LIPC: variants seen among roughly 807,000 people sequenced by gnomAD.
LIPC encodes the protein hepatic triacylglycerol lipase.
A neutral mutation model predicts 50.7 loss-of-function variants in LIPC; 44 were observed. That is an observed-to-expected ratio of 0.87 (90% confidence interval 0.68 to 1.11). The LOEUF (loss-of-function observed/expected upper bound fraction) is 1.11. LIPC is among the 50% of genes most tolerant of loss of function. The pLI, the probability that LIPC is intolerant of heterozygous loss-of-function variation, is 0.00. For synonymous variants in LIPC, 271 were observed against 256.4 expected, an observed-to-expected ratio of 1.06 and a Z score of -0.54; for missense variants, 697 against 648.2, an observed-to-expected ratio of 1.08 and a Z score of -0.82.
intron 1 of LIPC, among the ~76,000 whole-genome samples, chr15:58,459,433 A>ATTTTTTTTTTTT: frequency 6.7e-6 from 1 of 149,446 alleles, no homozygotes. Flanking sequence ...TAGAGAGCTC[A>ATTTTTTTTTTTT]CAATAAATAA....
chr15:58,458,699 T>C (rs747633361), intron 1 of LIPC, among the ~76,000 whole-genome samples: 4 of 152,160 alleles, frequency 2.6e-5, no homozygotes, highest in Non-Finnish European at 5.9e-5. Flanking sequence ...ACTCCCTGTT[T>C]CTCAGCCCTT....
chr15:58,462,824 G>C (rs1373381229), intron 1 of LIPC, among the ~76,000 whole-genome samples: 9 of 152,138 alleles, frequency 5.9e-5, no homozygotes, highest in African/African-American at 1.9e-4. Flanking sequence ...TCGGCAGAGG[G>C]GGCAGGCCTG....
rs1419678483 is a variant in LIPC, at chr15:58,458,340, C to CCAG, written c.88+26225_88+26227dup. Among the ~76,000 whole-genome samples, 5 of 152,300 alleles carry CCAG rather than the reference C, an allele frequency of 3.3e-5. No homozygotes were observed. In the East Asian group the frequency reaches 7.7e-4, roughly 23 times the overall value. On this transcript the variant is annotated intron_variant, in intron 1 of 8. Coordinates refer to ENST00000299022, the MANE Select transcript of LIPC (RefSeq NM_000236.3). ...AAGGTCGGCTTATGCTATTGTTAGA[C>CCAG]CAGCAGCTGAGCCTCCCCCACCACG... is the stretch of plus-strand genomic sequence containing the variant.
chr15:58,457,731 A>G lies in LIPC; in HGVS notation c.88+25611A>G, dbSNP rs1307598987. Among the ~76,000 whole-genome samples, 3 of 152,264 alleles carry G rather than the reference A, an allele frequency of 2.0e-5. No individual in the cohort carries two copies. In the East Asian group the frequency reaches 5.8e-4, roughly 29 times the overall value. On this transcript the variant is annotated intron_variant, in intron 1 of 8. Transcript: ENST00000299022. ...ATCCCATTTGGTAATCGAAAGAGCA[A>G]GTAGCACTGGCTTGGTCATTTCCTT...
intron 1 of LIPC, among the ~76,000 whole-genome samples, chr15:58,445,787 A>T (rs1893674151): frequency 6.6e-6 from 1 of 152,026 alleles, no homozygotes. Flanking sequence ...TATTATAGAG[A>T]CCCCACTGGG....
intron 1 of LIPC, among the ~76,000 whole-genome samples, chr15:58,523,637 G>A (rs1892718367): frequency 6.6e-6 from 1 of 151,968 alleles, no homozygotes; most frequent in South Asian, 2.1e-4. Flanking sequence ...TTATTTTTCA[G>A]GCCAGGCACA....
rs1893344240 is a variant in LIPC at position 58,541,926 on chromosome 15, C to T, written c.415C>T (p.Leu139Phe). 5.0e-6 allele frequency: 8 copies of T among 1,611,854 alleles called. No homozygotes were observed. The South Asian group carries it at 5.5e-5, about 11-fold the overall frequency. Residue 139 changes from leucine to phenylalanine, a missense_variant, in exon 3 of 9, where the codon CTT becomes TTT. Coordinates refer to ENST00000299022, the MANE Select transcript of LIPC (RefSeq NM_000236.3). Reference sequence around the variant, plus strand: ...CACCATCGCCGTCCGCAACACCCGCCTTGTGGGCAAGGAGGTCGCGGCTCT... The same window carrying T: ...CACCATCGCCGTCCGCAACACCCGCTTTGTGGGCAAGGAGGTCGCGGCTCT... ...HYTIAVRNTR[L>F]VGKEVAALLR...
In LIPC at chr15:58,568,757, G is replaced by T. The variant is rs148828229; in HGVS notation, c.1430G>T (p.Arg477Leu). ...GAAAACACAGATGACCTACTACTTC[G>T]CCCAACCCAGGAAAAAATCTTCGTG... Reference protein sequence around the residue: ...CSENTDDLLLRPTQEKIFVKC... With the variant: ...CSENTDDLLLLPTQEKIFVKC... Residue 477 changes from arginine (R) to leucine (L), a missense_variant, in exon 9 of 9, where the codon CGC becomes CTC. Arg to Leu is a moderately radical substitution (Grantham distance 102). Transcript: ENST00000299022. The T allele has an allele frequency of 2.5e-6, 4 of 1,611,400 alleles. No individual in the cohort carries two copies. Among genetic ancestry groups the T allele is most frequent in the Non-Finnish European group, 3.4e-6 (4 of 1,178,248 alleles).
In LIPC at chr15:58,548,583, A is replaced by G; in HGVS notation, c.1051+11A>G. The G allele has an allele frequency of 6.3e-7, 1 of 1,585,658 alleles. No individual in the cohort carries two copies. Among genetic ancestry groups the G allele is most frequent in the South Asian group, 1.1e-5 (1 of 87,012 alleles). Reference sequence around the variant, plus strand: ...AGTCCCCCTTCAAAGGTGAGTGTGGAGCTGGGGAGCCTTCAGAAGGGCAGG... The same window carrying G: ...AGTCCCCCTTCAAAGGTGAGTGTGGGGCTGGGGAGCCTTCAGAAGGGCAGG... On this transcript the variant is annotated intron_variant, in intron 6 of 8. Coordinates refer to ENST00000299022, the MANE Select transcript of LIPC (RefSeq NM_000236.3).
At chr15:58,543,206 C>T (rs1202841786) in intron 4 of LIPC, among the ~76,000 whole-genome samples, 1 of 152,158 alleles carries the variant, frequency 6.6e-6, no homozygotes, top group Non-Finnish European at 1.5e-5. Flanking sequence ...GCCTTCCTCC[C>T]AGGCTTCCGT....
At chr15:58,542,782 A>G in intron 4 of LIPC, 131 bp downstream of exon 4, 1 of 684,322 alleles carries the variant, frequency 1.5e-6, no homozygotes, top group Admixed American at 1.9e-5. Flanking sequence ...TCATGAGAGG[A>G]CTTGTGACAT....
intron 1 of LIPC, among the ~76,000 whole-genome samples, chr15:58,438,566 AGTCTGTCC>A (rs1893391929): frequency 1.3e-5 from 2 of 152,194 alleles, no homozygotes; most frequent in African/African-American, 4.8e-5. Flanking sequence ...GGCCGAGCCT[AGTCTGTCC>A]AGCAGCGGGT....
chr15:58,503,802 A>T (rs1277023205), intron 1 of LIPC, among the ~76,000 whole-genome samples: 2 of 152,158 alleles, frequency 1.3e-5, no homozygotes, highest in Admixed American at 6.5e-5. Flanking sequence ...AGTGGCAGAA[A>T]CCAAGGAGTA....
At chr15:58,447,147 CAAAAAAAA>C (rs34289431) in intron 1 of LIPC, among the ~76,000 whole-genome samples, 12 of 62,306 alleles carry the variant, frequency 1.9e-4, no homozygotes, top group South Asian at 7.6e-4. Context: ...GACTCCATCT[CAAAAAAAA>C]AAAAAAAAAA....
At chr15:58,565,784 T>C (rs545409716) in intron 8 of LIPC, 18 of 986,772 alleles carry the variant, frequency 1.8e-5, no homozygotes, top group Middle Eastern at 5.2e-4. Context: ...AACATATGTA[T>C]GCATCAAACC....
At chr15:58,455,698 T>A (rs1217859952) in intron 1 of LIPC, among the ~76,000 whole-genome samples, 11 of 152,168 alleles carry the variant, frequency 7.2e-5, no homozygotes, top group African/African-American at 2.7e-4. Context: ...CCAACAAACA[T>A]CAGCAAAAGT....
At chr15:58,552,541 G>A (rs867531593) in intron 6 of LIPC, among the ~76,000 whole-genome samples, 105 of 151,538 alleles carry the variant, frequency 6.9e-4, no homozygotes, top group African/African-American at 2.5e-3. Flanking sequence ...CCCCTCCCCC[G>A]CCCCCTCACC....
intron 6 of LIPC, among the ~76,000 whole-genome samples, chr15:58,556,180 T>G (rs1388732925): frequency 6.6e-6 from 1 of 152,222 alleles, no homozygotes; most frequent in Non-Finnish European, 1.5e-5. Flanking sequence ...GGGAGCTATT[T>G]TATCATCCTT....
intron 1 of LIPC, among the ~76,000 whole-genome samples, chr15:58,526,920 G>A (rs1213496569): frequency 3.3e-5 from 5 of 152,170 alleles, no homozygotes; most frequent in Non-Finnish European, 5.9e-5. Context: ...GCTAATAAGT[G>A]TTAAACAATC....
Sources: gnomAD v4.1 joint callset for allele counts (sites outside exome capture counted in the v4.1 genomes callset) on GRCh38, gnomAD v4.1.1 for gene constraint, MANE v1.5 for transcripts, NCBI Gene and HGNC (gene_info 2026-07-23, HGNC 2026-07-21) for gene names.